Variants in RFX4 observed in about 807,000 individuals in gnomAD.
RFX4 encodes the protein regulatory factor X4, also known as transcription factor RFX4.
In RFX4, 10 loss-of-function variants were observed where a neutral mutation model predicts 95.0. The ratio of observed to expected loss-of-function variants is 0.11; its 90% CI spans 0.06 to 0.18. RFX4 has a LOEUF of 0.18. Among genes scored for constraint, RFX4 ranks in the 10% least tolerant of loss-of-function variants. The probability of loss-of-function intolerance (pLI) is 1.00; values close to 1 mark genes in which losing one functional copy is unlikely to be tolerated. For missense variants in RFX4, 640 were observed against 922.0 expected, an observed-to-expected ratio of 0.69 and a Z score of 3.96; for synonymous variants, 321 against 340.7, an observed-to-expected ratio of 0.94 and a Z score of 0.64.
chr12:106,620,835 A>AC (rs888903847), intron 2 of RFX4, among the ~76,000 whole-genome samples: 1 of 151,022 alleles, frequency 6.6e-6, no homozygotes, highest in African/African-American at 2.4e-5. Flanking sequence ...TTTATAGACC[A>AC]CCCCCCAGGA....
chr12:106,608,949 G>A, intron 2 of RFX4, 66 bp downstream of exon 2: 2 of 1,461,362 alleles, frequency 1.4e-6, no homozygotes, highest in Non-Finnish European at 9.4e-7. Flanking sequence ...TGGGAGGGTA[G>A]TGCCACTAGA....
intron 1 of RFX4, among the ~76,000 whole-genome samples, chr12:106,585,283 T>G (rs1292790130): frequency 2.0e-5 from 3 of 152,186 alleles, no homozygotes; most frequent in Non-Finnish European, 2.9e-5. Flanking sequence ...TTTTCTGTTC[T>G]CGATGCAACT....
rs2039459835 is a variant in RFX4, at chr12:106,586,440, G to C, written c.43+3077G>C. Among the ~76,000 whole-genome samples the C allele has an allele frequency of 6.6e-6, 1 of 151,858 alleles. No individual in the cohort carries two copies. Among genetic ancestry groups the C allele is most frequent in the Non-Finnish European group, 1.5e-5 (1 of 67,906 alleles). On this transcript the variant is annotated intron_variant, in intron 1 of 17. Coordinates refer to ENST00000392842, the MANE Select transcript of RFX4 (RefSeq NM_213594.3). The surrounding 1 kb of genome is among the most constrained non-coding windows in gnomAD (Gnocchi z 5.6). ...GGAAATTCGAGAACGATGGGGGAAA[G>C]TGGGTAGAATTTTAGGCCACCGAGA... is the stretch of plus-strand genomic sequence containing the variant.
At chr12:106,748,352 G>A (rs546911524) in intron 16 of RFX4, among the ~76,000 whole-genome samples, 7 of 152,306 alleles carry the variant, frequency 4.6e-5, no homozygotes, top group Non-Finnish European at 1.0e-4. Context: ...TCCATTTAGA[G>A]AAGGGCTTCC....
chr12:106,639,530 A>G, intron 3 of RFX4, 138 bp downstream of exon 3: 1 of 794,064 alleles, frequency 1.3e-6, no homozygotes, highest in Non-Finnish European at 2.0e-6. Context: ...TTTAATTTGC[A>G]GTATATGTAA....
chr12:106,682,138 G>T, intron 5 of RFX4, 84 bp downstream of exon 5: 1 of 1,398,482 alleles, frequency 7.2e-7, no homozygotes, highest in African/African-American at 1.4e-5. Context: ...TTTATCCTGA[G>T]CTCTGTCTGC....
At chr12:106,681,084 A>G (rs1424342398) in intron 4 of RFX4, 1 of 152,204 alleles carries the variant, frequency 6.6e-6, no homozygotes, top group Non-Finnish European at 1.5e-5. Context: ...TCACCTTGAG[A>G]GATGCTCTCT....
chr12:106,722,759 CATT>C (rs779317569), intron 13 of RFX4, among the ~76,000 whole-genome samples: 2 of 152,282 alleles, frequency 1.3e-5, no homozygotes, highest in African/African-American at 2.4e-5. Context: ...TCATCTGACT[CATT>C]GTTGAATTTT....
At chr12:106,668,302 G>T (rs1477113944) in intron 4 of RFX4, among the ~76,000 whole-genome samples, 2 of 151,140 alleles carry the variant, frequency 1.3e-5, no homozygotes, top group African/African-American at 2.5e-5. Context: ...AAAGGTCAAA[G>T]CTCCCAGTTC....
chr12:106,655,397 C>T (rs1344743847), intron 4 of RFX4, among the ~76,000 whole-genome samples: 1 of 152,166 alleles, frequency 6.6e-6, no homozygotes, highest in Non-Finnish European at 1.5e-5. Flanking sequence ...TTCTTTCATT[C>T]ATTTCTTCAA....
chr12:106,671,871 A>C (rs2041287709), intron 4 of RFX4, among the ~76,000 whole-genome samples: 1 of 152,128 alleles, frequency 6.6e-6, no homozygotes, highest in Admixed American at 6.5e-5. Context: ...TGTGTTGCCC[A>C]GGCTTGTCTC....
Position 106,732,267 on chromosome 12 carries a change from T to C in RFX4, c.1471+18T>C, listed in dbSNP as rs1364891086. 6.2e-7 allele frequency: 1 copy of C among 1,613,256 alleles called. No individual in the cohort carries two copies. Among genetic ancestry groups the C allele is most frequent in the East Asian group, 2.2e-5 (1 of 44,866 alleles). On this transcript the variant is annotated intron_variant, in intron 14 of 17. Coordinates refer to ENST00000392842, the MANE Select transcript of RFX4 (RefSeq NM_213594.3). ...AAGCACTGGTAAGCCAGCATTTTCC[T>C]GGGAATTGCACCACTTGGTAATGTT...
At chr12:106,715,648 C>T (rs778820343) in intron 11 of RFX4, 104 bp downstream of exon 11, 2 of 1,288,240 alleles carry the variant, frequency 1.6e-6, no homozygotes, top group East Asian at 2.3e-5. Context: ...TTCTTCCCAG[C>T]ATCTCTTCCT....
intron 1 of RFX4, among the ~76,000 whole-genome samples, chr12:106,591,521 C>T (rs2039545515): frequency 6.6e-6 from 1 of 152,160 alleles, no homozygotes; most frequent in Non-Finnish European, 1.5e-5. Flanking sequence ...CCACCTCGGC[C>T]TCCCAAAGTG....
At chr12:106,668,942 G>C (rs2041230026) in intron 4 of RFX4, among the ~76,000 whole-genome samples, 1 of 152,200 alleles carries the variant, frequency 6.6e-6, no homozygotes, top group Non-Finnish European at 1.5e-5. Context: ...ATTTGAATAT[G>C]TGGAGAGGCC....
intron 8 of RFX4, among the ~76,000 whole-genome samples, chr12:106,703,072 G>A (rs2042021711): frequency 6.6e-6 from 1 of 152,168 alleles, no homozygotes; most frequent in Non-Finnish European, 1.5e-5. Context: ...TTTGTTAAAA[G>A]TGTTAGCAAA....
chr12:106,610,587 AT>A (rs2039940367), intron 2 of RFX4, among the ~76,000 whole-genome samples: 1 of 152,204 alleles, frequency 6.6e-6, no homozygotes, highest in African/African-American at 2.4e-5. Flanking sequence ...TGACTGGCAT[AT>A]TTCACTTAGC....
At chr12:106,612,555 C>T (rs188348012) in intron 2 of RFX4, among the ~76,000 whole-genome samples, 105 of 152,008 alleles carry the variant, frequency 6.9e-4, no homozygotes, top group African/African-American at 2.3e-3. Context: ...AAGATCATTT[C>T]GGCCAGGTGT....
intron 3 of RFX4, among the ~76,000 whole-genome samples, chr12:106,641,726 A>C (rs2040626602): frequency 2.0e-5 from 3 of 152,208 alleles, no homozygotes; most frequent in South Asian, 4.1e-4. Context: ...TTATCAAAAG[A>C]CATCAAGTTG....
Sources: gnomAD v4.1 joint callset for allele counts (sites outside exome capture counted in the v4.1 genomes callset) on GRCh38, gnomAD v4.1.1 for gene constraint, Gnocchi (gnomAD v3.1) non-coding constraint, MANE v1.5 for transcripts, NCBI Gene and HGNC (gene_info 2026-07-23, HGNC 2026-07-21) for gene names.